The following DIS3L2 variants were observed in gnomAD, a reference collection of about 807,000 sequenced individuals.
DIS3L2 encodes the protein DIS3-like exonuclease 2.
In DIS3L2, 34 loss-of-function variants were observed where a neutral mutation model predicts 97.5. The ratio of observed to expected loss-of-function variants is 0.35; its 90% CI spans 0.27 to 0.46. DIS3L2 has a LOEUF of 0.46. Ranked by LOEUF, DIS3L2 falls within the 20% of genes least tolerant of loss-of-function variation. DIS3L2 has a pLI of 1.00. For missense variants in DIS3L2, 1,038 were observed against 1,146.0 expected (o/e 0.91, Z 1.36); for synonymous variants, 435 against 445.2 (o/e 0.98, Z 0.29).
At chr2:232,343,183 A>G in intron 13 of DIS3L2, 1 of 673,588 alleles carries the variant, frequency 1.5e-6, no homozygotes, top group Non-Finnish European at 2.6e-6. Flanking sequence ...AGCTGCAGGC[A>G]AATATGAAGA....
intron 14 of DIS3L2, 70 bp downstream of exon 14, chr2:232,300,189 A>G: frequency 6.9e-7 from 1 of 1,452,250 alleles, no homozygotes; most frequent in Non-Finnish European, 9.6e-7. Flanking sequence ...GCTTTCTGAC[A>G]CTGAGCTTCC....
At chr2:232,015,893 G>T (rs1694342219) in intron 3 of DIS3L2, 3 of 397,084 alleles carry the variant, frequency 7.6e-6, no homozygotes, top group Non-Finnish European at 1.3e-5. Context: ...CAGGAAAAGT[G>T]CTCTGAGATT....
chr2:232,340,388 CATT>C (rs1375818786), downstream of DIS3L2, among the ~76,000 whole-genome samples: 16 of 152,188 alleles, frequency 1.1e-4, no homozygotes, highest in Non-Finnish European at 2.4e-4. Context: ...TGGCTGGAAT[CATT>C]GTTGCAAACA....
rs370635828 is a variant in DIS3L2, at chr2:232,333,911, C to T, written c.2082C>T (p.Pro694=). ...AQFRHYALNV[P]LYTHFTSPIR... Reference sequence around the variant, plus strand: ...TCCGGCACTACGCGCTCAATGTGCCCCTGTACACACACTTCACCTCGCCCA... The same window carrying T: ...TCCGGCACTACGCGCTCAATGTGCCTCTGTACACACACTTCACCTCGCCCA... Residue 694 remains proline, a synonymous_variant, in exon 17 of 21, where the codon CCC becomes CCT. Coordinates refer to ENST00000325385, the MANE Select transcript of DIS3L2 (RefSeq NM_152383.5). 6.2e-7 allele frequency: 1 copy of T among 1,612,804 alleles called. No homozygotes were observed. The highest frequency in any genetic ancestry group is 8.5e-7 in the Non-Finnish European group (1 of 1,179,936).
chr2:232,091,347 A>C (rs564798377), intron 6 of DIS3L2, among the ~76,000 whole-genome samples: 1 of 152,200 alleles, frequency 6.6e-6, no homozygotes, highest in South Asian at 2.1e-4. Context: ...TCTACTCTCT[A>C]TCTCCATGAG....
At chr2:231,985,611 G>A (rs1026112146) in intron 1 of DIS3L2, among the ~76,000 whole-genome samples, 1 of 152,078 alleles carries the variant, frequency 6.6e-6, no homozygotes. Context: ...TCATCTGTTG[G>A]TAACATTTTG....
chr2:232,246,229 A>C (rs1381828485), intron 11 of DIS3L2, among the ~76,000 whole-genome samples: 1 of 152,212 alleles, frequency 6.6e-6, no homozygotes, highest in Non-Finnish European at 1.5e-5. Context: ...CACAGCACAC[A>C]CTCTGCCTGG....
At chr2:232,283,790 G>A (rs1171855621) in intron 13 of DIS3L2, among the ~76,000 whole-genome samples, 1 of 152,194 alleles carries the variant, frequency 6.6e-6, no homozygotes, top group Non-Finnish European at 1.5e-5. Context: ...GGATGGCGGG[G>A]GGAGCAGAGG....
At chr2:232,092,414 A>G (rs1379954699) in intron 6 of DIS3L2, among the ~76,000 whole-genome samples, 5 of 151,858 alleles carry the variant, frequency 3.3e-5, no homozygotes, top group Admixed American at 6.6e-5. Flanking sequence ...TGCTGCATAA[A>G]TTTTAGGATT....
At chr2:232,343,255 G>C (rs1696153885) in intron 13 of DIS3L2, 1 of 1,105,720 alleles carries the variant, frequency 9.0e-7, no homozygotes. Context: ...GCTGACGCAG[G>C]CTGAGTAGGC....
At chr2:232,047,351 A>G (rs1323451679) in intron 5 of DIS3L2, among the ~76,000 whole-genome samples, 1 of 152,238 alleles carries the variant, frequency 6.6e-6, no homozygotes, top group Non-Finnish European at 1.5e-5. Context: ...AAGAACTACA[A>G]GAGGAAAATG....
chr2:232,208,456 G>A (rs1474582062), intron 9 of DIS3L2, among the ~76,000 whole-genome samples: 19 of 152,124 alleles, frequency 1.2e-4, no homozygotes, highest in African/African-American at 3.4e-4. Flanking sequence ...GACTACAGGC[G>A]TGTGCCACCA....
chr2:231,974,229 TA>T (rs1693008503), intron 1 of DIS3L2, among the ~76,000 whole-genome samples: 2 of 151,840 alleles, frequency 1.3e-5, no homozygotes, highest in South Asian at 4.1e-4. Flanking sequence ...GAGGAGCACA[TA>T]GGGGCCAAAA....
chr2:232,167,752 A>C (rs1690867240), intron 9 of DIS3L2, among the ~76,000 whole-genome samples: 1 of 152,186 alleles, frequency 6.6e-6, no homozygotes, highest in African/African-American at 2.4e-5. Context: ...ATCTTTAAAA[A>C]CTAGTTAAAA....
Position 232,184,714 on chromosome 2 carries a change from A to G in DIS3L2, c.1124+21082A>G, listed in dbSNP as rs1043618461. 2.6e-5 allele frequency among the ~76,000 whole-genome samples: 4 copies of G among 152,320 alleles called. No homozygotes were observed. In the South Asian group the frequency reaches 8.3e-4, roughly 32 times the overall value. On this transcript the variant is annotated intron_variant, in intron 9 of 20. Coordinates refer to ENST00000325385, the MANE Select transcript of DIS3L2 (RefSeq NM_152383.5). ...GTAATTGTGTGGGCAAATTATTCCT[A>G]AGATTAGTAGTGTTGGGTAGCCTGA...
rs550571674 is a variant in DIS3L2 at position 232,336,397 on chromosome 2, G to A, written c.2497-72G>A. On this transcript the variant is annotated intron_variant, in intron 20 of 20. Coordinates refer to ENST00000325385, the MANE Select transcript of DIS3L2 (RefSeq NM_152383.5). Reference sequence around the variant, plus strand: ...GGAGGGGCCAGGGGTCCTGCTGCAGGGATGGAGGCAGAGCTGCGCCTCGAC... The same window carrying A: ...GGAGGGGCCAGGGGTCCTGCTGCAGAGATGGAGGCAGAGCTGCGCCTCGAC... 2.3e-5 allele frequency: 35 copies of A among 1,555,396 alleles called. No individual in the cohort carries two copies. The Admixed American group carries it at 3.1e-4, about 14-fold the overall frequency.
At chr2:232,321,676 G>T (rs1357970070) in intron 14 of DIS3L2, among the ~76,000 whole-genome samples, 2 of 152,228 alleles carry the variant, frequency 1.3e-5, no homozygotes, top group East Asian at 3.9e-4. Flanking sequence ...ACAGGAAAGG[G>T]CCTGAGCCTG....
intron 10 of DIS3L2, among the ~76,000 whole-genome samples, chr2:232,221,577 G>A (rs1559161704): frequency 6.6e-6 from 1 of 152,216 alleles, no homozygotes; most frequent in Non-Finnish European, 1.5e-5. Flanking sequence ...ACCAAGGCGG[G>A]TGGATCACCT....
intron 14 of DIS3L2, 28 bp from the exon 15 acceptor site, chr2:232,329,785 T>TGCCCGGGGGGCCCCCCC: frequency 1.1e-5 from 11 of 967,132 alleles, no homozygotes; most frequent in East Asian, 6.2e-5. Flanking sequence ...ACCCCAGCGG[T>TGCCCGGGGGGCCCCCCC]CCCTCCCATC....
Sources: gnomAD v4.1 joint callset for allele counts (sites outside exome capture counted in the v4.1 genomes callset) on GRCh38, gnomAD v4.1.1 for gene constraint, MANE v1.5 for transcripts, NCBI Gene and HGNC (gene_info 2026-07-23, HGNC 2026-07-21) for gene names.